Variants in SPPL2A observed in about 807,000 individuals in gnomAD.
The protein encoded by SPPL2A is signal peptide peptidase-like 2A.
A neutral mutation model predicts 63.8 loss-of-function variants in SPPL2A; 51 were observed. The ratio of observed to expected loss-of-function variants is 0.80; its 90% CI spans 0.64 to 1.01. SPPL2A has a LOEUF of 1.01. SPPL2A is among the 50% of genes least tolerant of loss of function. The probability of loss-of-function intolerance (pLI) is 0.00; values close to 1 mark genes in which losing one functional copy is unlikely to be tolerated. For synonymous variants in SPPL2A, 188 were observed against 205.8 expected (o/e 0.91, Z 0.74); for missense variants, 553 against 622.7 (o/e 0.89, Z 1.19).
At position 50,747,541 on chromosome 15, in the gene SPPL2A, C is replaced by A; in HGVS notation, c.538G>T (p.Val180Leu). 1.2e-6 allele frequency: 2 copies of A among 1,611,940 alleles called. No individual in the cohort carries two copies. Among genetic ancestry groups the A allele is most frequent in the Non-Finnish European group, 1.7e-6 (2 of 1,178,488 alleles). ...YTMVVIFVIA[V>L]FTVALGGYWS... The stretch of plus-strand genomic sequence containing the variant: ...TATCCACCTAATGCCACAGTGAACA[C>A]CGCAATTACAAAAATAACCACCATA... Residue 180 changes from valine to leucine, a missense_variant, in exon 5 of 15, where the codon GTG becomes TTG. Physicochemically the swap from Val to Leu is conservative, Grantham distance 32. Coordinates refer to ENST00000261854, the MANE Select transcript of SPPL2A (RefSeq NM_032802.4).
chr15:50,746,869 T>A (rs1031283530), intron 5 of SPPL2A: 1 of 152,464 alleles, frequency 6.6e-6, no homozygotes, highest in Non-Finnish European at 1.5e-5. Flanking sequence ...GGTTTCACCA[T>A]GTTGGCCAGG....
chr15:50,723,382 A>C (rs2062662750), intron 12 of SPPL2A, among the ~76,000 whole-genome samples: 1 of 152,226 alleles, frequency 6.6e-6, no homozygotes, highest in African/African-American at 2.4e-5. Flanking sequence ...CATTATTCGC[A>C]ATAGCCAAGA....
chr15:50,716,161 A>G (rs1486196119), intron 14 of SPPL2A, among the ~76,000 whole-genome samples: 1 of 152,052 alleles, frequency 6.6e-6, no homozygotes, highest in Non-Finnish European at 1.5e-5. Context: ...TTTAAAAAAT[A>G]TTTTCCAAAT....
chr15:50,719,211 T>C (rs1398347165), intron 14 of SPPL2A, among the ~76,000 whole-genome samples: 2 of 152,216 alleles, frequency 1.3e-5, no homozygotes, highest in African/African-American at 4.8e-5. Flanking sequence ...ATGAATGCCC[T>C]ATCTAGTTTG....
chr15:50,733,055 T>C (rs2062743442), intron 8 of SPPL2A, among the ~76,000 whole-genome samples: 1 of 152,134 alleles, frequency 6.6e-6, no homozygotes, highest in Non-Finnish European at 1.5e-5. Context: ...ATAATGAATA[T>C]TATTACACTA....
chr15:50,761,701 C>A (rs558594260), intron 1 of SPPL2A, among the ~76,000 whole-genome samples: 3 of 152,080 alleles, frequency 2.0e-5, no homozygotes, highest in Non-Finnish European at 1.5e-5. Flanking sequence ...TTTGGGAGGC[C>A]GAGGTGGGTG....
rs1567154563 is a variant in SPPL2A, at chr15:50,726,369, C to CT, written c.1097dup (p.Ser367GlufsTer5). On this transcript the variant is annotated frameshift_variant, in exon 11 of 15. Transcript: ENST00000261854. LOFTEE classifies it high-confidence loss of function. Reference sequence around the variant, plus strand: ...CAGCTGCGAGTTCAACCATGATACTCTCACCATTCTAAAATTGAGAAGGAA... The same window carrying CT: ...CAGCTGCGAGTTCAACCATGATACTCTTCACCATTCTAAAATTGAGAAGGAA... 1 of 1,613,776 alleles carries CT rather than the reference C, an allele frequency of 6.2e-7. No individual in the cohort carries two copies. The highest frequency in any genetic ancestry group is 1.7e-5 in the Admixed American group (1 of 60,014).
chr15:50,721,419 TTTTCTTTTTCTTCC>T (rs1417760025), intron 13 of SPPL2A, among the ~76,000 whole-genome samples: 2 of 151,922 alleles, frequency 1.3e-5, no homozygotes, highest in African/African-American at 4.8e-5. Flanking sequence ...TAGCTATTTC[TTTTCTTTTTCTTCC>T]TTTCTTTTTT....
At chr15:50,719,420 A>G (rs1049152507) in intron 14 of SPPL2A, among the ~76,000 whole-genome samples, 1 of 151,934 alleles carries the variant, frequency 6.6e-6, no homozygotes, top group Middle Eastern at 3.4e-3. Flanking sequence ...AATTTTTTGT[A>G]TTTTTAGTAG....
chr15:50,718,906 G>A lies in SPPL2A; in HGVS notation c.1488+1034C>T, dbSNP rs189611351. The stretch of plus-strand genomic sequence containing the variant: ...TCAACTGACACAGAAGCATGAGGGT[G>A]GATGGAGGAGAGTGGTAGTTGTAAT... On this transcript the variant is annotated intron_variant, in intron 14 of 14. Transcript: ENST00000261854. Among the ~76,000 whole-genome samples the A allele has an allele frequency of 2.6e-3, 398 of 151,970 alleles. 6 individuals are homozygous for A. Among genetic ancestry groups the A allele is most frequent in the Admixed American group, 0.022 (334 of 15,270 alleles).
At chr15:50,711,508 G>A (rs1445358270) in intron 14 of SPPL2A, among the ~76,000 whole-genome samples, 1 of 152,148 alleles carries the variant, frequency 6.6e-6, no homozygotes, top group Non-Finnish European at 1.5e-5. Flanking sequence ...ACCGCGCCCA[G>A]GCCAAATTAG....
chr15:50,720,743 C>T (rs557916041), intron 13 of SPPL2A, among the ~76,000 whole-genome samples: 1 of 152,132 alleles, frequency 6.6e-6, no homozygotes, highest in East Asian at 1.9e-4. Context: ...TGGTCTCAAA[C>T]TCCCGACCTC....
At chr15:50,722,479 C>T (rs375173307) in intron 12 of SPPL2A, among the ~76,000 whole-genome samples, 8 of 150,992 alleles carry the variant, frequency 5.3e-5, no homozygotes, top group Non-Finnish European at 1.2e-4. Flanking sequence ...TTTTTTGAGA[C>T]GGAGTCTCGC....
At chr15:50,723,716 T>A (rs11630124) in intron 12 of SPPL2A, among the ~76,000 whole-genome samples, 2,887 of 152,316 alleles carry the variant, frequency 0.019, 43 homozygotes, top group Middle Eastern at 0.095. Flanking sequence ...CCTCAAGTGA[T>A]CTACCTGCCT....
rs1426599144 is a variant in SPPL2A at position 50,719,946 on chromosome 15, G to T, written c.1482C>A (p.Ser494Arg). 3 of 1,610,364 alleles carry T rather than the reference G, an allele frequency of 1.9e-6. No homozygotes were observed. Among genetic ancestry groups the T allele is most frequent in the Non-Finnish European group, 2.5e-6 (3 of 1,178,442 alleles). The change falls in exon 14 of 15, where the codon AGC becomes AGA. Residue 494 changes from serine to arginine, a missense_variant. Ser to Arg is a moderately radical substitution (Grantham distance 110). Transcript: ENST00000261854. ...KEMKKFWKGN[S>R]YQMMDHLDCA... ...CCAAAGTATAAGCACATACCTGATAGCTGTTACCTTTCCAGAACTTTTTCA... is the reference window on the plus strand; with the variant it reads ...CCAAAGTATAAGCACATACCTGATATCTGTTACCTTTCCAGAACTTTTTCA...
intron 1 of SPPL2A, among the ~76,000 whole-genome samples, chr15:50,752,395 G>T (rs1338140159): frequency 6.6e-6 from 1 of 151,230 alleles, no homozygotes; most frequent in Non-Finnish European, 1.5e-5. Context: ...CAGCATGGCC[G>T]ATATGGCAAA....
chr15:50,748,827 T>A lies in SPPL2A; in HGVS notation c.221A>T (p.Asn74Ile), dbSNP rs1249147313. The A allele has an allele frequency of 6.2e-7, 1 of 1,609,720 alleles. No homozygotes were observed. Among genetic ancestry groups the A allele is most frequent in the Non-Finnish European group, 8.5e-7 (1 of 1,178,624 alleles). Residue 74 changes from asparagine to isoleucine, a missense_variant, in exon 3 of 15, where the codon AAC becomes ATC. Transcript: ENST00000261854. ...GCCAACAGGAGGAATATCAGAAAGG[T>A]TGCATAGTGGTGTGGAAGTCAGATT... ...LMNLTSTPLC[N>I]LSDIPPVGIK... is the part of the protein sequence containing the mutation.
chr15:50,765,299 G>T (rs752913141), intron 1 of SPPL2A, among the ~76,000 whole-genome samples, 169 bp downstream of exon 1: 14 of 152,112 alleles, frequency 9.2e-5, no homozygotes, highest in Non-Finnish European at 1.8e-4. Context: ...AGGGTGGAAG[G>T]AAAGAGATGA....
At chr15:50,725,843 G>A (rs1251506921) in intron 11 of SPPL2A, 1 of 231,470 alleles carries the variant, frequency 4.3e-6, no homozygotes, top group African/African-American at 2.3e-5. Flanking sequence ...GATTAGTTTT[G>A]AAAAAAATGC....
Sources: allele counts gnomAD v4.1 joint callset (sites outside exome capture counted in the v4.1 genomes callset), GRCh38; gene constraint gnomAD v4.1.1; transcripts MANE v1.5; gene names NCBI Gene and HGNC (gene_info 2026-07-23, HGNC 2026-07-21).